Variants in STIMATE observed in about 807,000 individuals in gnomAD.
STIMATE encodes the protein STIM activating enhancer.
STIMATE carries 15 observed loss-of-function variants against 36.7 expected under a neutral mutation model. That is an observed-to-expected ratio of 0.41 (90% CI 0.27 to 0.63). The LOEUF (loss-of-function observed/expected upper bound fraction) is 0.63. STIMATE is among the 20% of genes least tolerant of loss of function. The probability of loss-of-function intolerance (pLI) is 0.32; values close to 1 mark genes in which losing one functional copy is unlikely to be tolerated. For missense variants in STIMATE, 305 were observed against 397.3 expected (o/e 0.77, Z 1.98); for synonymous variants, 163 against 162.3 (o/e 1.00, Z -0.03).
At chr3:52,858,517 G>A (rs143978087) in intron 1 of STIMATE, among the ~76,000 whole-genome samples, 316 of 152,148 alleles carry the variant, frequency 2.1e-3, no homozygotes, top group African/African-American at 6.7e-3. Context: ...CTAGCTACTC[G>A]GGGAGGCTGA....
chr3:52,896,172 A>G lies in STIMATE; in HGVS notation c.160+1119T>C, dbSNP rs371375083. On this transcript the variant is annotated intron_variant, in intron 1 of 7. Transcript: ENST00000355083. ...AAGAAACCCCAAGTTATAAACAAGC[A>G]AGGTGGCCACTCCAGCAACTGGACC... Among the ~76,000 whole-genome samples the G allele has an allele frequency of 7.9e-5, 12 of 152,242 alleles. No homozygotes were observed. In the South Asian group the frequency reaches 1.7e-3, roughly 21 times the overall value.
intron 1 of STIMATE, among the ~76,000 whole-genome samples, chr3:52,878,277 G>A (rs115543584): frequency 1.3e-5 from 2 of 148,176 alleles, no homozygotes; most frequent in African/African-American, 5.3e-5. Context: ...CCAACAGGCT[G>A]TACCATCTCT....
In STIMATE at chr3:52,836,813, T is replaced by C. The variant is rs989552110; in HGVS notation, c.*3681A>G. 4 of 281,126 alleles carry C rather than the reference T, an allele frequency of 1.4e-5. No individual in the cohort carries two copies. Among genetic ancestry groups the C allele is most frequent in the Admixed American group, 4.3e-5 (1 of 23,442 alleles). The allele number at this position is 281,126 out of a possible 1,614,324, so 17.4% of individuals were successfully genotyped here. On this transcript the variant is annotated 3_prime_UTR_variant, in exon 8 of 8. Transcript: ENST00000355083. ...CAATGTAAGTACATCATCTTCTCTTTCATTTCAAAAAAACGTTTCCATGAA... is the reference window on the plus strand; with the variant it reads ...CAATGTAAGTACATCATCTTCTCTTCCATTTCAAAAAAACGTTTCCATGAA...
chr3:52,851,226 C>A (rs745633553), intron 3 of STIMATE, among the ~76,000 whole-genome samples: 1 of 152,242 alleles, frequency 6.6e-6, no homozygotes, highest in Non-Finnish European at 1.5e-5. Context: ...TACCCAGATC[C>A]AGCTGAGCAC....
chr3:52,855,923 G>A (rs905134193), intron 1 of STIMATE, among the ~76,000 whole-genome samples: 7 of 152,180 alleles, frequency 4.6e-5, no homozygotes, highest in Non-Finnish European at 7.3e-5. Context: ...GGTGTGACAC[G>A]TGCTAGAGAA....
At chr3:52,876,418 A>G (rs1701504134) in intron 1 of STIMATE, among the ~76,000 whole-genome samples, 1 of 152,208 alleles carries the variant, frequency 6.6e-6, no homozygotes, top group Non-Finnish European at 1.5e-5. Flanking sequence ...GAAAAACAAG[A>G]ATGGCTTCTA....
intron 3 of STIMATE, among the ~76,000 whole-genome samples, chr3:52,852,384 G>C (rs1175463711): frequency 6.6e-6 from 1 of 152,178 alleles, no homozygotes; most frequent in East Asian, 1.9e-4. Context: ...CAGTGCATGG[G>C]GAAAGTGTCA....
At chr3:52,887,993 A>ATTTTTTTTTTTT (rs1373427637) in intron 1 of STIMATE, among the ~76,000 whole-genome samples, 2 of 19,900 alleles carry the variant, frequency 1.0e-4, no homozygotes, top group Non-Finnish European at 2.5e-4. Context: ...TAACAGAATC[A>ATTTTTTTTTTTT]GTTTTTTTTT....
At chr3:52,859,408 T>C (rs1701166931) in intron 1 of STIMATE, among the ~76,000 whole-genome samples, 1 of 128,030 alleles carries the variant, frequency 7.8e-6, no homozygotes, top group Non-Finnish European at 1.6e-5. Flanking sequence ...GGCTCAAACC[T>C]GTAATCCCAG....
In STIMATE at chr3:52,837,912, G is replaced by A. The variant is rs192910564; in HGVS notation, c.*2582C>T. On this transcript the variant is annotated 3_prime_UTR_variant, in exon 8 of 8. Transcript: ENST00000355083. The stretch of plus-strand genomic sequence containing the variant: ...CACAGCCCTCTGATCTGCTCTCATG[G>A]GATGGTGCACCACGGAAGAGCCCCC... The A allele has an allele frequency of 1.3e-5, 2 of 152,222 alleles. No individual in the cohort carries two copies. The highest frequency in any genetic ancestry group is 2.9e-5 in the Non-Finnish European group (2 of 68,074). 9.4% of individuals were successfully genotyped at this position (152,222 alleles called of 1,614,324 possible).
intron 6 of STIMATE, 112 bp from the exon 7 acceptor site, chr3:52,843,072 A>G: frequency 1.3e-6 from 2 of 1,512,306 alleles, no homozygotes; most frequent in Non-Finnish European, 1.8e-6. Context: ...AGAGCTATGG[A>G]AAGAAAAACC....
chr3:52,886,343 G>A (rs991971964), intron 1 of STIMATE, among the ~76,000 whole-genome samples: 5 of 152,220 alleles, frequency 3.3e-5, no homozygotes, highest in African/African-American at 4.8e-5. Context: ...CAGTCCTGCA[G>A]TGAGGCCCAC....
At chr3:52,850,292 C>T (rs923608793) in intron 3 of STIMATE, among the ~76,000 whole-genome samples, 3 of 152,030 alleles carry the variant, frequency 2.0e-5, no homozygotes, top group Admixed American at 6.5e-5. Context: ...ATTAGCTGGG[C>T]GTGGTGGCGC....
chr3:52,878,935 C>T (rs958134246), intron 1 of STIMATE, among the ~76,000 whole-genome samples: 1 of 152,106 alleles, frequency 6.6e-6, no homozygotes, highest in African/African-American at 2.4e-5. Context: ...TGCAAGTGCA[C>T]GGATGTTGCG....
rs187101745 is a variant in STIMATE, at chr3:52,837,535, T to A, written c.*2959A>T. 1,038 of 152,298 alleles carry A rather than the reference T, an allele frequency of 6.8e-3. 102 individuals carry two copies. The South Asian group carries it at 0.19, about 28-fold the overall frequency. The allele number at this position is 152,298 out of a possible 1,614,324, so 9.4% of individuals were successfully genotyped here. On this transcript the variant is annotated 3_prime_UTR_variant, in exon 8 of 8. Transcript: ENST00000355083. ...CACCACCACCTGGATCTCACTAACATCCCCCCTTGCCATTGTCAACAACCC... is the reference window on the plus strand; with the variant it reads ...CACCACCACCTGGATCTCACTAACAACCCCCCTTGCCATTGTCAACAACCC...
At chr3:52,845,065 A>C in intron 4 of STIMATE, 124 bp from the exon 5 acceptor site, 1 of 872,060 alleles carries the variant, frequency 1.1e-6, no homozygotes, top group South Asian at 2.3e-5. Flanking sequence ...GTACTTAATG[A>C]GCCCCCCCAA....
At chr3:52,855,485 T>A (rs763958590) in intron 1 of STIMATE, 41 bp from the exon 2 acceptor site, 1 of 1,613,584 alleles carries the variant, frequency 6.2e-7, no homozygotes, top group Non-Finnish European at 8.5e-7. Flanking sequence ...CCAAAGAAGT[T>A]ACATAAAGCA....
Position 52,838,029 on chromosome 3 carries a change from A to G in STIMATE, c.*2465T>C, listed in dbSNP as rs935041121. ...GCACACACACACACAAACACACAAGAAAGGGAAGGCCAAACACGAGAGGTG... is the reference window on the plus strand; with the variant it reads ...GCACACACACACACAAACACACAAGGAAGGGAAGGCCAAACACGAGAGGTG... On this transcript the variant is annotated 3_prime_UTR_variant, in exon 8 of 8. Transcript: ENST00000355083. 3 of 152,144 alleles carry G rather than the reference A, an allele frequency of 2.0e-5. No homozygotes were observed. The highest frequency in any genetic ancestry group is 7.2e-5 in the African/African-American group (3 of 41,408). The allele number at this position is 152,144 out of a possible 1,614,324, so 9.4% of individuals were successfully genotyped here.
At chr3:52,885,420 T>C (rs932761133) in intron 1 of STIMATE, among the ~76,000 whole-genome samples, 1 of 152,246 alleles carries the variant, frequency 6.6e-6, no homozygotes, top group African/African-American at 2.4e-5. Flanking sequence ...TACTCTTTTC[T>C]CTAGAGCTAG....
Sources: gnomAD v4.1 joint callset for allele counts (sites outside exome capture counted in the v4.1 genomes callset) on GRCh38, gnomAD v4.1.1 for gene constraint, MANE v1.5 for transcripts, NCBI Gene and HGNC (gene_info 2026-07-23, HGNC 2026-07-21) for gene names.